PGM5: variants seen among roughly 807,000 people sequenced by gnomAD.
PGM5 encodes phosphoglucomutase 5, also known as phosphoglucomutase-like protein 5.
In PGM5, 23 loss-of-function variants were observed where a neutral mutation model predicts 59.2. The observed-to-expected ratio is 0.39, with a 90% CI of 0.28 to 0.55. PGM5 has a LOEUF of 0.55. Among genes scored for constraint, PGM5 ranks in the 20% least tolerant of loss-of-function variants. The pLI is 0.66. For missense variants in PGM5, 574 were observed against 748.3 expected (o/e 0.77, Z 2.72); for synonymous variants, 214 against 286.0 (o/e 0.75, Z 2.54).
intron 9 of PGM5, 54 bp downstream of exon 9, chr9:68,484,102 A>T (rs1157634544): frequency 6.0e-6 from 9 of 1,500,882 alleles, no homozygotes; most frequent in Admixed American, 1.7e-5. Context: ...AGTGGCCAAA[A>T]TGTCCTAGAA....
At chr9:68,409,451 A>G (rs1248537790) in intron 6 of PGM5, among the ~76,000 whole-genome samples, 1 of 126,892 alleles carries the variant, frequency 7.9e-6, no homozygotes, top group Non-Finnish European at 1.6e-5. Flanking sequence ...CATTATTCAC[A>G]ATAGCAAAGA....
intron 1 of PGM5, 59 bp downstream of exon 1, chr9:68,357,447 C>T: frequency 6.5e-7 from 1 of 1,531,118 alleles, no homozygotes; most frequent in Non-Finnish European, 8.8e-7. Context: ...TCTCCTAGCC[C>T]TTGTCCCCCT....
intron 6 of PGM5, among the ~76,000 whole-genome samples, chr9:68,402,928 G>T (rs1296957719): frequency 1.3e-5 from 2 of 152,116 alleles, no homozygotes; most frequent in Non-Finnish European, 2.9e-5. Flanking sequence ...TTGAAATACT[G>T]CTTAAATGCT....
rs147873917 is a variant in PGM5, at chr9:68,480,076, T to C, written c.1295+523T>C. Reference sequence around the variant, plus strand: ...CCTTTCCCCTGATGACATCACTCTTTAATCTTTTCATCAATGCCTATAAGG... The same window carrying C: ...CCTTTCCCCTGATGACATCACTCTTCAATCTTTTCATCAATGCCTATAAGG... On this transcript the variant is annotated intron_variant, in intron 8 of 10. Coordinates refer to ENST00000396396, the MANE Select transcript of PGM5 (RefSeq NM_021965.4). Among the ~76,000 whole-genome samples, 986 of 152,264 alleles carry C rather than the reference T, an allele frequency of 6.5e-3. 11 individuals carry two copies. The highest frequency in any genetic ancestry group is 0.022 in the African/African-American group (909 of 41,580).
intron 6 of PGM5, among the ~76,000 whole-genome samples, chr9:68,430,529 T>G (rs559387327): frequency 3.9e-5 from 6 of 152,252 alleles, no homozygotes; most frequent in Non-Finnish European, 8.8e-5. Context: ...TCACTGACTT[T>G]CAAATTTTCC....
intron 1 of PGM5, among the ~76,000 whole-genome samples, chr9:68,374,028 C>T (rs1171282990): frequency 6.6e-6 from 1 of 152,298 alleles, no homozygotes; most frequent in African/African-American, 2.4e-5. Context: ...GTGGCCACAC[C>T]TAGATGCAAG....
intron 6 of PGM5, chr9:68,397,357 A>AAC (rs1397815282): frequency 6.6e-6 from 1 of 152,442 alleles, no homozygotes; most frequent in Non-Finnish European, 1.5e-5. Context: ...AAACAAGGCA[A>AAC]ACACACACAG....
chr9:68,378,946 A>G (rs1350660690), intron 2 of PGM5, among the ~76,000 whole-genome samples: 8 of 152,296 alleles, frequency 5.3e-5, no homozygotes, highest in Non-Finnish European at 1.0e-4. Flanking sequence ...GGAGAATAAG[A>G]AATAGATAAC....
At chr9:68,374,792 T>A (rs1587774837) in intron 1 of PGM5, among the ~76,000 whole-genome samples, 2 of 152,282 alleles carry the variant, frequency 1.3e-5, no homozygotes, top group African/African-American at 4.8e-5. Flanking sequence ...AGATTTGTTC[T>A]AGGTTCTTGG....
intron 8 of PGM5, among the ~76,000 whole-genome samples, chr9:68,479,788 G>T (rs1231005524): frequency 1.3e-5 from 2 of 152,182 alleles, no homozygotes; most frequent in Non-Finnish European, 2.9e-5. Context: ...CAAAAAATTA[G>T]CTGGGCGTAG....
At chr9:68,517,469 C>T (rs1360608403) in intron 10 of PGM5, among the ~76,000 whole-genome samples, 1 of 152,162 alleles carries the variant, frequency 6.6e-6, no homozygotes, top group Non-Finnish European at 1.5e-5. Flanking sequence ...TATTTCACTG[C>T]CTCTAGTGTA....
At chr9:68,391,756 T>G in intron 5 of PGM5, 32 bp downstream of exon 5, 3 of 1,605,042 alleles carry the variant, frequency 1.9e-6, no homozygotes, top group Non-Finnish European at 2.6e-6. Flanking sequence ...CTGCTGACCC[T>G]TTGATCATAT....
intron 6 of PGM5, among the ~76,000 whole-genome samples, chr9:68,451,117 A>G (rs1554684301): frequency 1.3e-5 from 2 of 152,166 alleles, no homozygotes; most frequent in Admixed American, 6.6e-5. Context: ...GCATACACAC[A>G]CATACACACA....
At chr9:68,368,413 C>A (rs1166274402) in intron 1 of PGM5, among the ~76,000 whole-genome samples, 2 of 151,140 alleles carry the variant, frequency 1.3e-5, no homozygotes, top group Non-Finnish European at 3.0e-5. Context: ...GATCAGGTAG[C>A]AAGCCGGTTC....
chr9:68,431,700 G>T (rs1303829964), intron 6 of PGM5, among the ~76,000 whole-genome samples: 1 of 152,134 alleles, frequency 6.6e-6, no homozygotes, highest in Non-Finnish European at 1.5e-5. Context: ...TTAAGAGTTG[G>T]AGTCTATTCC....
intron 9 of PGM5, among the ~76,000 whole-genome samples, chr9:68,491,504 A>G (rs1212016657): frequency 6.6e-6 from 1 of 152,210 alleles, no homozygotes; most frequent in Non-Finnish European, 1.5e-5. Flanking sequence ...TCTCAACTTC[A>G]GTGCTCACTC....
chr9:68,444,062 CTTTTTTT>C lies in PGM5; in HGVS notation c.1044-21021_1044-21015del, dbSNP rs71920005. Among the ~76,000 whole-genome samples, 437 of 131,628 alleles carry C rather than the reference CTTTTTTT, an allele frequency of 3.3e-3. 9 individuals carry two copies. The highest frequency in any genetic ancestry group is 0.013 in the East Asian group (56 of 4,438). The allele number at this position is 131,628 out of a possible 152,430, so 86.4% of individuals were successfully genotyped here. On this transcript the variant is annotated intron_variant, in intron 6 of 10. Transcript: ENST00000396396. ...GAAGAGTCTCTCTCTTTCTTTCTTT[CTTTTTTT>C]TTTTTTTTTGGATCACTTTGCAGTT...
intron 6 of PGM5, among the ~76,000 whole-genome samples, chr9:68,415,551 C>G (rs1554681906): frequency 7.1e-6 from 1 of 140,514 alleles, no homozygotes; most frequent in Non-Finnish European, 1.5e-5. Flanking sequence ...AGGGAGCTTG[C>G]AGTTAGGGAC....
chr9:68,489,121 T>A (rs1824345420), intron 9 of PGM5, among the ~76,000 whole-genome samples: 3 of 152,326 alleles, frequency 2.0e-5, no homozygotes, highest in Admixed American at 2.0e-4. Flanking sequence ...CAAGATTGTC[T>A]CTTACTATGA....
Sources: allele counts gnomAD v4.1 joint callset (sites outside exome capture counted in the v4.1 genomes callset), GRCh38; gene constraint gnomAD v4.1.1; transcripts MANE v1.5; gene names NCBI Gene and HGNC (gene_info 2026-07-23, HGNC 2026-07-21).